Variants in GALNT13 observed in about 807,000 individuals in gnomAD.
GALNT13 encodes polypeptide N-acetylgalactosaminyltransferase 13.
In GALNT13, 28 loss-of-function variants were observed where a neutral mutation model predicts 64.2. The ratio of observed to expected loss-of-function variants is 0.44; its 90% CI spans 0.32 to 0.60. The LOEUF is 0.60. GALNT13 is among the 20% of genes least tolerant of loss of function. The pLI is 0.05. For missense variants in GALNT13, 577 were observed against 669.8 expected, an observed-to-expected ratio of 0.86 and a Z score of 1.53; for synonymous variants, 214 against 224.6, an observed-to-expected ratio of 0.95 and a Z score of 0.42.
the GALNT13 span, among the ~76,000 whole-genome samples, chr2:153,805,661 T>A: frequency 6.6e-6 from 1 of 152,024 alleles, no homozygotes; most frequent in Admixed American, 6.6e-5. Flanking sequence ...GAGGTGGGGA[T>A]TATAGGAATA....
chr2:153,076,256 C>T, the GALNT13 span, among the ~76,000 whole-genome samples: 2 of 152,074 alleles, frequency 1.3e-5, no homozygotes, highest in African/African-American at 4.8e-5. Flanking sequence ...TTGCCCATAG[C>T]CTTGCCAACG....
chr2:154,014,532 C>T (rs1696863417), intron 3 of GALNT13, among the ~76,000 whole-genome samples: 1 of 151,574 alleles, frequency 6.6e-6, no homozygotes, highest in Admixed American at 6.6e-5. Flanking sequence ...GCTAGTATTC[C>T]CAGTGCCTGG....
chr2:154,056,288 T>C (rs950338345), intron 3 of GALNT13, among the ~76,000 whole-genome samples: 2 of 152,200 alleles, frequency 1.3e-5, no homozygotes, highest in Non-Finnish European at 1.5e-5. Flanking sequence ...AAGTTGACAA[T>C]GCATTTTATT....
chr2:154,086,103 A>G (rs1701508316), intron 3 of GALNT13, among the ~76,000 whole-genome samples: 1 of 148,728 alleles, frequency 6.7e-6, no homozygotes, highest in African/African-American at 2.4e-5. Flanking sequence ...TGCTATTTAT[A>G]TATAATATAT....
intron 3 of GALNT13, among the ~76,000 whole-genome samples, chr2:153,969,497 T>G (rs943893766): frequency 1.3e-5 from 2 of 152,060 alleles, no homozygotes; most frequent in African/African-American, 2.4e-5. Context: ...CCAATACATA[T>G]AGATTGTTAC....
chr2:153,425,310 T>A, the GALNT13 span, among the ~76,000 whole-genome samples: 1 of 151,702 alleles, frequency 6.6e-6, no homozygotes, highest in Non-Finnish European at 1.5e-5. Context: ...TTCCTTTGTT[T>A]GCAATATTTT....
the GALNT13 span, among the ~76,000 whole-genome samples, chr2:153,720,601 CAG>C: frequency 6.6e-6 from 1 of 151,030 alleles, no homozygotes; most frequent in African/African-American, 2.4e-5. Context: ...ATAACCAATA[CAG>C]AGAAGTGCTT....
Position 154,242,154 on chromosome 2 carries a change from C to G in GALNT13, c.436C>G (p.Leu146Val), listed in dbSNP as rs1689524349. 1 of 1,612,876 alleles carries G rather than the reference C, an allele frequency of 6.2e-7. No homozygotes were observed. The highest frequency in any genetic ancestry group is 1.1e-5 in the South Asian group (1 of 90,736). The change falls in exon 5 of 13, where the codon CTA becomes GTA. Residue 146 changes from leucine (L) to valine (V), a missense_variant. Physicochemically the swap from Leu to Val is conservative, Grantham distance 32. Coordinates refer to ENST00000392825, the MANE Select transcript of GALNT13 (RefSeq NM_052917.4). ...YSVINRSPHY[L>V]LSEVILVDDA... ...TGTGATAAATCGTTCCCCACACTAT[C>G]TACTCTCAGAGGTCATCTTGGTAGA...
chr2:153,719,761 A>G, the GALNT13 span, among the ~76,000 whole-genome samples: 3 of 151,618 alleles, frequency 2.0e-5, no homozygotes, highest in Non-Finnish European at 2.9e-5. Context: ...ACCGGCTTAA[A>G]AAACGGCGCA....
At chr2:153,112,892 A>G in the GALNT13 span, among the ~76,000 whole-genome samples, 1 of 152,098 alleles carries the variant, frequency 6.6e-6, no homozygotes, top group Admixed American at 6.6e-5. Context: ...ACAATAGAGA[A>G]CAAGTTGTCA....
chr2:153,157,514 T>G, the GALNT13 span, among the ~76,000 whole-genome samples: 2 of 152,320 alleles, frequency 1.3e-5, no homozygotes, highest in Admixed American at 6.5e-5. Flanking sequence ...AGCTAAACGT[T>G]ACACAGCACA....
intron 7 of GALNT13, among the ~76,000 whole-genome samples, chr2:154,252,042 A>C (rs1690096670): frequency 6.6e-6 from 1 of 152,094 alleles, no homozygotes; most frequent in African/African-American, 2.4e-5. Context: ...GGAAAATGTA[A>C]TTAACACAGA....
chr2:153,433,953 A>G, the GALNT13 span, among the ~76,000 whole-genome samples: 1 of 151,958 alleles, frequency 6.6e-6, no homozygotes, highest in Admixed American at 6.6e-5. Flanking sequence ...AGCATTAGGT[A>G]TATCTCCTAA....
At chr2:153,787,814 G>A in the GALNT13 span, among the ~76,000 whole-genome samples, 3 of 152,122 alleles carry the variant, frequency 2.0e-5, no homozygotes, top group African/African-American at 7.2e-5. Context: ...AATATTAACA[G>A]CAGAGGGAAC....
chr2:154,170,393 T>A (rs961926036), intron 4 of GALNT13, among the ~76,000 whole-genome samples: 3 of 152,266 alleles, frequency 2.0e-5, no homozygotes, highest in Admixed American at 1.3e-4. Context: ...CCACCAAAAC[T>A]GTATTCAATA....
the GALNT13 span, among the ~76,000 whole-genome samples, chr2:153,799,268 G>T: frequency 1.3e-5 from 2 of 152,044 alleles, no homozygotes; most frequent in Non-Finnish European, 2.9e-5. Flanking sequence ...CATTCATCTT[G>T]CTTCATTGAC....
At chr2:154,244,869 C>T (rs1158212199) in intron 6 of GALNT13, among the ~76,000 whole-genome samples, 1 of 152,024 alleles carries the variant, frequency 6.6e-6, no homozygotes. Context: ...CACCTATAAT[C>T]CCAGCATTTG....
At chr2:153,825,501 T>C in the GALNT13 span, among the ~76,000 whole-genome samples, 1 of 152,168 alleles carries the variant, frequency 6.6e-6, no homozygotes, top group Non-Finnish European at 1.5e-5. Context: ...AAAATTATAC[T>C]GTCAGTTAGC....
the GALNT13 span, among the ~76,000 whole-genome samples, chr2:153,631,318 A>G: frequency 6.6e-6 from 1 of 152,180 alleles, no homozygotes; most frequent in African/African-American, 2.4e-5. Context: ...TCGTTTGGGT[A>G]TATACCCAGT....
Sources: gnomAD v4.1 joint callset for allele counts (sites outside exome capture counted in the v4.1 genomes callset) on GRCh38, gnomAD v4.1.1 for gene constraint, MANE v1.5 for transcripts, NCBI Gene and HGNC (gene_info 2026-07-23, HGNC 2026-07-21) for gene names.